DEPTOR: variants seen among roughly 807,000 people sequenced by gnomAD.
DEPTOR encodes DEP domain-containing mTOR-interacting protein.
A neutral mutation model predicts 41.6 loss-of-function variants in DEPTOR; 41 were observed. The observed-to-expected ratio is 0.98, with a 90% CI of 0.77 to 1.28. The LOEUF (loss-of-function observed/expected upper bound fraction) is 1.28. Ranked by LOEUF, DEPTOR falls within the 50% of genes most tolerant of loss-of-function variation. The probability of loss-of-function intolerance (pLI) is 0.00; values close to 1 mark genes in which losing one functional copy is unlikely to be tolerated. For synonymous variants in DEPTOR, 195 were observed against 192.3 expected (o/e 1.01, Z -0.12); for missense variants, 514 against 527.9 (o/e 0.97, Z 0.26).
chr8:120,048,032 C>CAAAAAAA (rs34841127), intron 8 of DEPTOR, among the ~76,000 whole-genome samples: 29 of 137,026 alleles, frequency 2.1e-4, no homozygotes, highest in African/African-American at 7.8e-4. Context: ...GACTCCATGT[C>CAAAAAAA]AAAAAAAAAA....
chr8:120,012,357 G>C (rs1211601519), intron 8 of DEPTOR, among the ~76,000 whole-genome samples: 1 of 152,102 alleles, frequency 6.6e-6, no homozygotes, highest in Non-Finnish European at 1.5e-5. Flanking sequence ...ATAGCCTATT[G>C]CTCCTAGGCT....
At chr8:120,035,194 C>T (rs777027639) in intron 8 of DEPTOR, among the ~76,000 whole-genome samples, 10 of 152,016 alleles carry the variant, frequency 6.6e-5, no homozygotes, top group Non-Finnish European at 1.3e-4. Context: ...GTGGTGCATG[C>T]GTGTAGTCCC....
intron 4 of DEPTOR, among the ~76,000 whole-genome samples, chr8:119,965,889 T>C (rs185816276): frequency 6.6e-6 from 1 of 152,306 alleles, no homozygotes; most frequent in Admixed American, 6.5e-5. Flanking sequence ...CATAAAAGTA[T>C]CACTTTCCGT....
chr8:119,959,428 TG>T (rs1246661686), intron 3 of DEPTOR, among the ~76,000 whole-genome samples: 1 of 152,144 alleles, frequency 6.6e-6, no homozygotes, highest in Non-Finnish European at 1.5e-5. Context: ...CCCAAAGTGC[TG>T]GGATTACAGG....
rs145102652 is a variant in DEPTOR at position 119,997,420 on chromosome 8, T to A, written c.605-4105T>A. Reference sequence around the variant, plus strand: ...TGGCTAATATTTTAATTTCATTTTATTTTTGGAGACAGAATATGTTGCCCA... The same window carrying A: ...TGGCTAATATTTTAATTTCATTTTAATTTTGGAGACAGAATATGTTGCCCA... On this transcript the variant is annotated intron_variant, in intron 4 of 8. Coordinates refer to ENST00000286234, the MANE Select transcript of DEPTOR (RefSeq NM_022783.4). Among the ~76,000 whole-genome samples the A allele has an allele frequency of 3.2e-3, 492 of 151,990 alleles. 3 individuals carry two copies. The highest frequency in any genetic ancestry group is 0.011 in the African/African-American group (455 of 41,512).
chr8:120,028,283 G>A lies in DEPTOR; in HGVS notation c.1101+19150G>A, dbSNP rs915649439. Among the ~76,000 whole-genome samples, 14 of 151,308 alleles carry A rather than the reference G, an allele frequency of 9.3e-5. 1 individual carries two copies. The highest frequency in any genetic ancestry group is 8.6e-4 in the Admixed American group (13 of 15,138). ...CGATTCTCCTGCCTCACCCTCCCAAGTAGCTGGGATTACAGACATGAGCCA... is the reference window on the plus strand; with the variant it reads ...CGATTCTCCTGCCTCACCCTCCCAAATAGCTGGGATTACAGACATGAGCCA... On this transcript the variant is annotated intron_variant, in intron 8 of 8. Coordinates refer to ENST00000286234, the MANE Select transcript of DEPTOR (RefSeq NM_022783.4).
chr8:120,002,812 A>ATATATATATATATATATATATATG (rs71306853), intron 5 of DEPTOR, among the ~76,000 whole-genome samples, 165 bp from the exon 6 acceptor site: 5 of 130,138 alleles, frequency 3.8e-5, no homozygotes, highest in Non-Finnish European at 6.4e-5. Flanking sequence ...ATATATATAT[A>ATATATATATATATATATATATATG]ATATAAAGTA....
intron 4 of DEPTOR, among the ~76,000 whole-genome samples, chr8:119,974,784 TG>T (rs1011320411): frequency 6.8e-5 from 10 of 147,092 alleles, no homozygotes; most frequent in East Asian, 2.0e-4. Context: ...AAAAAAAAGG[TG>T]GGGGGGTGGG....
chr8:119,873,888 C>A lies in DEPTOR; in HGVS notation c.42C>A (p.Ser14Arg). 6.2e-7 allele frequency: 1 copy of A among 1,613,726 alleles called. No individual in the cohort carries two copies. The highest frequency in any genetic ancestry group is 2.2e-5 in the East Asian group (1 of 44,842). ...GCACTGGCAGTGCTGGCAGTGACAG[C>A]AGCACCAGCGGGAGTGGCGGGGCGC... The part of the protein sequence containing the change: ...GGSTGSAGSD[S>R]STSGSGGAQQ... The change falls in exon 1 of 9, where the codon AGC becomes AGA. Residue 14 changes from serine (S) to arginine (R), a missense_variant. By Grantham distance (110) the Ser-to-Arg change is moderately radical. Coordinates refer to ENST00000286234, the MANE Select transcript of DEPTOR (RefSeq NM_022783.4).
At chr8:120,041,369 G>T (rs769058666) in intron 8 of DEPTOR, among the ~76,000 whole-genome samples, 1 of 152,118 alleles carries the variant, frequency 6.6e-6, no homozygotes, top group African/African-American at 2.4e-5. Context: ...CAGGACTGGC[G>T]CAGGGAGAGG....
At chr8:120,024,737 G>A (rs1268349743) in intron 8 of DEPTOR, among the ~76,000 whole-genome samples, 1 of 152,142 alleles carries the variant, frequency 6.6e-6, no homozygotes, top group African/African-American at 2.4e-5. Context: ...AGCATGGCCT[G>A]CCCTGCTGAA....
At chr8:120,001,501 G>T (rs1231864908) in intron 4 of DEPTOR, 24 bp from the exon 5 acceptor site, 3 of 1,576,184 alleles carry the variant, frequency 1.9e-6, no homozygotes, top group Admixed American at 3.6e-5. Context: ...AGTCCTCATT[G>T]GTTGTTTTTT....
At chr8:119,931,002 A>G (rs770462768) in intron 3 of DEPTOR, among the ~76,000 whole-genome samples, 4 of 152,070 alleles carry the variant, frequency 2.6e-5, no homozygotes, top group South Asian at 2.1e-4. Flanking sequence ...ACTTGAGGTC[A>G]GGGGTTGGAA....
chr8:120,010,523 G>A (rs1812514141), intron 8 of DEPTOR, among the ~76,000 whole-genome samples: 1 of 151,814 alleles, frequency 6.6e-6, no homozygotes, highest in Non-Finnish European at 1.5e-5. Context: ...GGCTGAGGCA[G>A]GAGAATTGCT....
chr8:119,992,188 G>T lies in DEPTOR; in HGVS notation c.605-9337G>T, dbSNP rs138486449. On this transcript the variant is annotated intron_variant, in intron 4 of 8. Transcript: ENST00000286234. ...AGGAAAAGGAGTGAATGGTTGGATA[G>T]AGTGCCATCCTTGGTGACCAAAAAA... Among the ~76,000 whole-genome samples, 4 of 152,316 alleles carry T rather than the reference G, an allele frequency of 2.6e-5. No individual in the cohort carries two copies. The East Asian group carries it at 7.7e-4, about 29-fold the overall frequency.
intron 1 of DEPTOR, among the ~76,000 whole-genome samples, chr8:119,878,524 T>G (rs895540906): frequency 9.2e-5 from 14 of 151,838 alleles, no homozygotes; most frequent in Non-Finnish European, 7.4e-5. Context: ...AGACAGCGTT[T>G]CACCATGTTG....
intron 1 of DEPTOR, among the ~76,000 whole-genome samples, chr8:119,923,068 T>A (rs1827916999): frequency 6.6e-6 from 1 of 152,110 alleles, no homozygotes; most frequent in African/African-American, 2.4e-5. Context: ...TCCTGCCACC[T>A]CTTTTGTTCT....
At chr8:119,889,652 T>TGGGGAGGGGAGGGGGGGAG (rs1827424851) in intron 1 of DEPTOR, among the ~76,000 whole-genome samples, 1 of 9,560 alleles carries the variant, frequency 1.0e-4, no homozygotes, top group Non-Finnish European at 1.9e-4. Flanking sequence ...GAGGGGAGGA[T>TGGGGAGGGGAGGGGGGGAG]GGGGAGGGGA....
At chr8:119,886,363 A>C (rs1365467153) in intron 1 of DEPTOR, among the ~76,000 whole-genome samples, 1 of 152,164 alleles carries the variant, frequency 6.6e-6, no homozygotes, top group Non-Finnish European at 1.5e-5. Context: ...TTCGTTGGTT[A>C]GGTCACATGC....
Sources: gnomAD v4.1 joint callset for allele counts (sites outside exome capture counted in the v4.1 genomes callset) on GRCh38, gnomAD v4.1.1 for gene constraint, MANE v1.5 for transcripts, NCBI Gene and HGNC (gene_info 2026-07-23, HGNC 2026-07-21) for gene names.